Variants in PHF20L1 observed in about 807,000 individuals in gnomAD.
The protein encoded by PHF20L1 is PHD finger protein 20 like 1, also known as PHD finger protein 20-like protein 1.
PHF20L1 carries 44 observed loss-of-function variants against 125.5 expected under a neutral mutation model. That is an observed-to-expected ratio of 0.35 (90% confidence interval 0.28 to 0.45). PHF20L1 has a LOEUF of 0.45. Among genes scored for constraint, PHF20L1 ranks in the 20% least tolerant of loss-of-function variants. The pLI is 1.00. For missense variants in PHF20L1, 1,012 were observed against 1,217.2 expected (o/e 0.83, Z 2.51); for synonymous variants, 380 against 403.1 (o/e 0.94, Z 0.69).
Position 132,775,485 on chromosome 8 carries a change from T to G in PHF20L1, c.-198T>G. ...GACCCAGCTCCCTCCCGCGAAACCT[T>G]GGGCGGATCCGGCGCTGCGGCCCCA... On this transcript the variant is annotated 5_prime_UTR_variant, in exon 1 of 21. Coordinates refer to ENST00000395386, the MANE Select transcript of PHF20L1 (RefSeq NM_016018.5). The G allele has an allele frequency of 2.7e-6, 1 of 376,642 alleles. No individual in the cohort carries two copies. Among genetic ancestry groups the G allele is most frequent in the Non-Finnish European group, 4.7e-6 (1 of 211,998 alleles). The allele number at this position is 376,642 out of a possible 1,614,324, so 23.3% of individuals were successfully genotyped here.
Position 132,825,388 on chromosome 8 carries a change from G to T in PHF20L1, c.1744+17G>T. On this transcript the variant is annotated intron_variant, in intron 14 of 20. Transcript: ENST00000395386. ...AGCAACATGGTAAGTACACTGAGAT[G>T]ATTATTCCCTCTTTTTTTAAAATTT... 4 of 1,465,038 alleles carry T rather than the reference G, an allele frequency of 2.7e-6. No individual in the cohort carries two copies. Among genetic ancestry groups the T allele is most frequent in the Non-Finnish European group, 1.8e-6 (2 of 1,103,392 alleles). The allele number at this position is 1,465,038 out of a possible 1,614,324, so 90.8% of individuals were successfully genotyped here. A position where few individuals can be genotyped will look rare whatever the true frequency, so the allele number is the denominator to read the frequency against.
rs2131974700 is a variant in PHF20L1 at position 132,846,126 on chromosome 8, G to A, written c.*203G>A. ...CTAGTATTTAAAAACAAATTCATGA[G>A]CAAGCTGCAAATGAGAATGTGTTAT... On this transcript the variant is annotated 3_prime_UTR_variant, in exon 21 of 21. Coordinates refer to ENST00000395386, the MANE Select transcript of PHF20L1 (RefSeq NM_016018.5). The A allele has an allele frequency of 2.0e-6, 1 of 490,434 alleles. No homozygotes were observed. The highest frequency in any genetic ancestry group is 3.5e-5 in the South Asian group (1 of 28,886). 30.4% of individuals were successfully genotyped at this position (490,434 alleles called of 1,614,324 possible).
intron 2 of PHF20L1, among the ~76,000 whole-genome samples, chr8:132,782,623 CAGGCTGCAGTGCAGTCACG>C (rs1413060764): frequency 2.0e-5 from 3 of 151,916 alleles, no homozygotes; most frequent in Admixed American, 6.6e-5. Flanking sequence ...TACTGTCACC[CAGGCTGCAGTGCAGTCACG>C]AGATCATGAC....
At chr8:132,806,102 A>G (rs1229347742) in intron 8 of PHF20L1, among the ~76,000 whole-genome samples, 1 of 152,028 alleles carries the variant, frequency 6.6e-6, no homozygotes, top group Non-Finnish European at 1.5e-5. Flanking sequence ...AGTCGAGATC[A>G]AAGAAGACGG....
intron 2 of PHF20L1, among the ~76,000 whole-genome samples, chr8:132,781,502 C>T (rs557097906): frequency 7.2e-5 from 11 of 152,124 alleles, no homozygotes; most frequent in Non-Finnish European, 1.5e-4. Context: ...AACCTCCGCT[C>T]GCTGCAACCT....
At chr8:132,821,639 G>A (rs1169203668) in intron 12 of PHF20L1, among the ~76,000 whole-genome samples, 1 of 151,922 alleles carries the variant, frequency 6.6e-6, no homozygotes, top group African/African-American at 2.4e-5. Context: ...GAGTCTCAGG[G>A]ATTGCCTCTC....
chr8:132,821,716 C>G (rs1835622486), intron 12 of PHF20L1, among the ~76,000 whole-genome samples: 2 of 151,842 alleles, frequency 1.3e-5, no homozygotes, highest in African/African-American at 4.8e-5. Context: ...CTCTACATTA[C>G]TAGTTTTTTG....
chr8:132,823,500 A>G (rs1020204902), intron 12 of PHF20L1, among the ~76,000 whole-genome samples: 4 of 151,992 alleles, frequency 2.6e-5, no homozygotes, highest in African/African-American at 4.8e-5. Flanking sequence ...GGCCTAGTAC[A>G]GTTAACTTTT....
At chr8:132,785,286 T>C (rs1222671475) in intron 2 of PHF20L1, among the ~76,000 whole-genome samples, 10 of 152,236 alleles carry the variant, frequency 6.6e-5, no homozygotes, top group Admixed American at 4.6e-4. Flanking sequence ...TAGTTGGGGG[T>C]TGATGAAAGC....
At chr8:132,843,335 T>G (rs1838118665) in intron 19 of PHF20L1, 1 of 982,002 alleles carries the variant, frequency 1.0e-6, no homozygotes, top group African/African-American at 1.7e-5. Context: ...TTCTGACAGA[T>G]CTATGTGCAT....
At chr8:132,780,905 C>T (rs1586838481) in intron 2 of PHF20L1, among the ~76,000 whole-genome samples, 2 of 143,462 alleles carry the variant, frequency 1.4e-5, no homozygotes, top group Admixed American at 7.2e-5. Context: ...AGTGCAGTGG[C>T]GTGATCTTGG....
At chr8:132,791,777 C>CG (rs1831740446) in intron 2 of PHF20L1, among the ~76,000 whole-genome samples, 2 of 152,056 alleles carry the variant, frequency 1.3e-5, no homozygotes, top group Non-Finnish European at 2.9e-5. Context: ...GGCCTTCATC[C>CG]CAACTGTACA....
At position 132,846,179 on chromosome 8, in the gene PHF20L1, A is replaced by G; in HGVS notation, c.*256A>G. On this transcript the variant is annotated 3_prime_UTR_variant, in exon 21 of 21. Transcript: ENST00000395386. ...GCCAAGGAACAATGAAGTAGAATAT[A>G]ATGTATACTAAGGGATTTCAAGTTC... 1 of 343,026 alleles carries G rather than the reference A, an allele frequency of 2.9e-6. No individual in the cohort carries two copies. The highest frequency in any genetic ancestry group is 4.7e-5 in the East Asian group (1 of 21,434). 21.2% of individuals were successfully genotyped at this position (343,026 alleles called of 1,614,324 possible).
In PHF20L1 at chr8:132,832,236, C is replaced by T; in HGVS notation, c.1746C>T (p.Asp582=). 1 of 1,564,120 alleles carries T rather than the reference C, an allele frequency of 6.4e-7. No homozygotes were observed. Among genetic ancestry groups the T allele is most frequent in the Non-Finnish European group, 8.8e-7 (1 of 1,135,380 alleles). The change falls in exon 15 of 21, where the codon GAC becomes GAT. Residue 582 remains aspartate (D), a splice_region_variant and synonymous_variant. Coordinates refer to ENST00000395386, the MANE Select transcript of PHF20L1 (RefSeq NM_016018.5). The part of the protein sequence containing the change: ...KKKKKKSKQH[D]YSDYEDSSLE... Reference sequence around the variant, plus strand: ...TTCTTTCTGTATCTTATGTTGCAGACTATTCAGACTATGAAGACAGTTCCC... The same window carrying T: ...TTCTTTCTGTATCTTATGTTGCAGATTATTCAGACTATGAAGACAGTTCCC...
intron 2 of PHF20L1, 51 bp from the exon 3 acceptor site, chr8:132,794,359 A>G (rs773955475): frequency 1.7e-6 from 2 of 1,164,584 alleles, no homozygotes; most frequent in South Asian, 1.3e-5. Flanking sequence ...AATGCTTTGT[A>G]TAAACAAATA....
intron 8 of PHF20L1, chr8:132,808,699 A>G (rs1236691990): frequency 4.6e-5 from 7 of 152,056 alleles, no homozygotes; most frequent in Admixed American, 2.6e-4. Flanking sequence ...TATCTTTTTC[A>G]GTAATGTAAA....
rs1438037484 is a variant in PHF20L1 at position 132,847,027 on chromosome 8, T to C, written c.*1104T>C. The C allele has an allele frequency of 6.6e-6, 1 of 152,526 alleles. No individual in the cohort carries two copies. The highest frequency in any genetic ancestry group is 1.5e-5 in the Non-Finnish European group (1 of 67,994). 9.4% of individuals were successfully genotyped at this position (152,526 alleles called of 1,614,324 possible). A position where few individuals can be genotyped will look rare whatever the true frequency, so the allele number is the denominator to read the frequency against. On this transcript the variant is annotated 3_prime_UTR_variant, in exon 21 of 21. Coordinates refer to ENST00000395386, the MANE Select transcript of PHF20L1 (RefSeq NM_016018.5). ...CTTTGATCACAAGTGGACAAATTTCTGAAACCAAAGGCAACTAAGTTGCTG... is the reference window on the plus strand; with the variant it reads ...CTTTGATCACAAGTGGACAAATTTCCGAAACCAAAGGCAACTAAGTTGCTG...
intron 12 of PHF20L1, among the ~76,000 whole-genome samples, chr8:132,822,507 A>AG (rs1242940977): frequency 6.6e-6 from 1 of 152,014 alleles, no homozygotes; most frequent in African/African-American, 2.4e-5. Flanking sequence ...ACTACCACTG[A>AG]GGATTTGGAA....
At chr8:132,824,160 GGTGTAA>G in intron 13 of PHF20L1, 100 bp downstream of exon 13, 1 of 685,204 alleles carries the variant, frequency 1.5e-6, no homozygotes, top group Non-Finnish European at 2.5e-6. Flanking sequence ...TGCTACCTTA[GGTGTAA>G]GTGATCATCT....
Sources: allele counts gnomAD v4.1 joint callset (sites outside exome capture counted in the v4.1 genomes callset), GRCh38; gene constraint gnomAD v4.1.1; transcripts MANE v1.5; gene names NCBI Gene and HGNC (gene_info 2026-07-23, HGNC 2026-07-21).